The following ITSN2 variants were observed in gnomAD, a reference collection of about 807,000 sequenced individuals.
ITSN2 encodes the protein intersectin-2.
A neutral mutation model predicts 243.7 loss-of-function variants in ITSN2; 156 were observed. The ratio of observed to expected loss-of-function variants is 0.64; its 90% confidence interval spans 0.56 to 0.73. The LOEUF (loss-of-function observed/expected upper bound fraction) is 0.73, where lower values mean the gene tolerates loss of function less well. Ranked by LOEUF, ITSN2 falls within the 30% of genes least tolerant of loss-of-function variation. The probability of loss-of-function intolerance (pLI) is 0.00; values close to 1 mark genes in which losing one functional copy is unlikely to be tolerated. For missense variants in ITSN2, 1,801 were observed against 1,996.1 expected (o/e 0.90, Z 1.86); for synonymous variants, 703 against 699.9 (o/e 1.00, Z -0.07).
intron 1 of ITSN2, among the ~76,000 whole-genome samples, chr2:24,328,588 G>A (rs757619816): frequency 1.3e-5 from 2 of 151,830 alleles, no homozygotes; most frequent in Non-Finnish European, 2.9e-5. Context: ...TTGGCCACCT[G>A]AGTAGCTGGG....
intron 2 of ITSN2, chr2:24,326,512 A>G (rs2151832464): frequency 6.0e-6 from 1 of 166,930 alleles, no homozygotes; most frequent in Non-Finnish European, 1.5e-5. Flanking sequence ...CTCAAACTTG[A>G]GTAGAGCATG....
chr2:24,271,758 AT>A lies in ITSN2; in HGVS notation c.2257+7del. The A allele has an allele frequency of 6.3e-7, 1 of 1,575,410 alleles. No homozygotes were observed. On this transcript the variant is annotated splice_region_variant and intron_variant, in intron 19 of 39. Coordinates refer to ENST00000355123, the MANE Select transcript of ITSN2 (RefSeq NM_006277.3). ...TGTTCTACTGTCTCAAAGTATCCTTATCCTTACGTTTTTTCTCCTCAGCTTT... is the reference window on the plus strand; with the variant it reads ...TGTTCTACTGTCTCAAAGTATCCTTACCTTACGTTTTTTCTCCTCAGCTTT...
intron 12 of ITSN2, among the ~76,000 whole-genome samples, chr2:24,299,387 A>G (rs967678956): frequency 6.6e-6 from 1 of 152,094 alleles, no homozygotes; most frequent in African/African-American, 2.4e-5. Context: ...TTCAGTGTGC[A>G]ATAACTTCCT....
At chr2:24,289,788 A>AT (rs1198677304) in intron 15 of ITSN2, among the ~76,000 whole-genome samples, 84 of 152,072 alleles carry the variant, frequency 5.5e-4, no homozygotes, top group Non-Finnish European at 6.3e-4. Context: ...ACATTATGAG[A>AT]TTTTTTTTAG....
intron 29 of ITSN2, among the ~76,000 whole-genome samples, chr2:24,227,095 G>A (rs1022513319): frequency 4.6e-5 from 7 of 151,692 alleles, no homozygotes; most frequent in Admixed American, 4.6e-4. Context: ...CAGCCTGGGC[G>A]ATACAGCAAG....
At chr2:24,296,247 G>A (rs1003658166) in intron 13 of ITSN2, among the ~76,000 whole-genome samples, 2 of 152,164 alleles carry the variant, frequency 1.3e-5, no homozygotes, top group African/African-American at 2.4e-5. Flanking sequence ...CAGGAGGAAC[G>A]TTTTGGCAAC....
intron 13 of ITSN2, among the ~76,000 whole-genome samples, chr2:24,297,744 C>G (rs1008786286): frequency 6.6e-6 from 1 of 152,138 alleles, no homozygotes; most frequent in African/African-American, 2.4e-5. Flanking sequence ...CTGAAAATCA[C>G]TCAACTAACA....
At chr2:24,255,575 C>T (rs932033805) in intron 23 of ITSN2, among the ~76,000 whole-genome samples, 20 of 152,172 alleles carry the variant, frequency 1.3e-4, no homozygotes, top group African/African-American at 4.8e-4. Context: ...TTGCAGTGAG[C>T]TGAGATTGTG....
intron 11 of ITSN2, among the ~76,000 whole-genome samples, chr2:24,300,931 A>G (rs1681642847): frequency 6.6e-6 from 1 of 152,182 alleles, no homozygotes; most frequent in African/African-American, 2.4e-5. Flanking sequence ...AGATGTCTAT[A>G]ATCCTGTCAA....
chr2:24,222,064 A>G (rs1292529830), intron 29 of ITSN2, among the ~76,000 whole-genome samples: 2 of 152,164 alleles, frequency 1.3e-5, no homozygotes, highest in Non-Finnish European at 2.9e-5. Context: ...CATCCTGGCT[A>G]ACACGGTGAA....
chr2:24,361,128 G>C (rs531883422), upstream of ITSN2, among the ~76,000 whole-genome samples: 2 of 152,218 alleles, frequency 1.3e-5, no homozygotes, highest in African/African-American at 4.8e-5. Flanking sequence ...TAACACACGC[G>C]GAGCGCCCAC....
At chr2:24,276,843 G>C (rs757731275) in intron 17 of ITSN2, among the ~76,000 whole-genome samples, 2 of 152,184 alleles carry the variant, frequency 1.3e-5, no homozygotes, top group Admixed American at 6.5e-5. Context: ...TTGAAGTGGG[G>C]AGAAAGAAAC....
In ITSN2 at chr2:24,286,369, G is replaced by A; in HGVS notation, c.1724-18C>T. On this transcript the variant is annotated intron_variant, in intron 15 of 39. Transcript: ENST00000355123. ...CCCTGAATCTGAAAAACAAACATCA[G>A]ACAGTTTACATTTTGCAGAAGTTCG... is the stretch of plus-strand genomic sequence containing the variant. 8.7e-6 allele frequency: 14 copies of A among 1,608,368 alleles called. No homozygotes were observed. Among genetic ancestry groups the A allele is most frequent in the Non-Finnish European group, 1.2e-5 (14 of 1,176,808 alleles).
intron 1 of ITSN2, among the ~76,000 whole-genome samples, chr2:24,337,340 A>ATATATG (rs1686546880): frequency 5.3e-5 from 6 of 112,352 alleles, no homozygotes; most frequent in African/African-American, 2.1e-4. Flanking sequence ...ATATATATAT[A>ATATATG]TATATATATA....
At chr2:24,303,778 G>A (rs770862574) in intron 9 of ITSN2, 21 bp downstream of exon 9, 3 of 1,451,628 alleles carry the variant, frequency 2.1e-6, no homozygotes, top group South Asian at 1.1e-5. Flanking sequence ...TTAATCAAAT[G>A]TAATTAAGGG....
At chr2:24,265,503 G>T (rs1412339569) in intron 20 of ITSN2, among the ~76,000 whole-genome samples, 1 of 152,088 alleles carries the variant, frequency 6.6e-6, no homozygotes. Context: ...GATTCTATGG[G>T]ACTTTTTACA....
At chr2:24,346,141 G>A (rs12614906) in intron 1 of ITSN2, among the ~76,000 whole-genome samples, 9 of 152,234 alleles carry the variant, frequency 5.9e-5, no homozygotes, top group African/African-American at 1.7e-4. Flanking sequence ...AGAAGGCTAC[G>A]TAGAGTATAG....
intron 4 of ITSN2, among the ~76,000 whole-genome samples, chr2:24,312,913 G>A (rs1003032712): frequency 6.6e-6 from 1 of 151,914 alleles, no homozygotes; most frequent in Non-Finnish European, 1.5e-5. Context: ...AACAGAAAGA[G>A]GATTTTGAGA....
intron 29 of ITSN2, among the ~76,000 whole-genome samples, chr2:24,233,364 G>A (rs1330444245): frequency 6.6e-6 from 1 of 152,082 alleles, no homozygotes; most frequent in South Asian, 2.1e-4. Flanking sequence ...GATGACCACC[G>A]GTGACACAGG....
Sources: gnomAD v4.1 joint callset for allele counts (sites outside exome capture counted in the v4.1 genomes callset) on GRCh38, gnomAD v4.1.1 for gene constraint, MANE v1.5 for transcripts, NCBI Gene and HGNC (gene_info 2026-07-23, HGNC 2026-07-21) for gene names.